CCDC85A: variants seen among roughly 807,000 people sequenced by gnomAD.
The protein encoded by CCDC85A is coiled-coil domain-containing protein 85A.
CCDC85A carries 38 observed loss-of-function variants against 50.2 expected under a neutral mutation model. The observed-to-expected ratio is 0.76, with a 90% CI of 0.58 to 0.99. CCDC85A has a LOEUF of 0.99. CCDC85A is among the 50% of genes least tolerant of loss of function. The pLI is 0.00. For synonymous variants in CCDC85A, 366 were observed against 301.4 expected (o/e 1.21, Z -2.22); for missense variants, 820 against 742.0 (o/e 1.11, Z -1.22).
At chr2:56,275,616 C>G (rs1249688236) in intron 2 of CCDC85A, among the ~76,000 whole-genome samples, 1 of 152,206 alleles carries the variant, frequency 6.6e-6, no homozygotes, top group Non-Finnish European at 1.5e-5. Context: ...GAGCTTTCTA[C>G]TATTGACCAA....
intron 3 of CCDC85A, among the ~76,000 whole-genome samples, chr2:56,368,509 C>T (rs1675915988): frequency 6.6e-6 from 1 of 152,096 alleles, no homozygotes; most frequent in Admixed American, 6.6e-5. Context: ...TGAATTTATC[C>T]TCCCCCTTAA....
Position 56,274,928 on chromosome 2 carries a change from G to A in CCDC85A, c.1241-67951G>A, listed in dbSNP as rs993484553. Among the ~76,000 whole-genome samples, 9 of 152,094 alleles carry A rather than the reference G, an allele frequency of 5.9e-5. No individual in the cohort carries two copies. The East Asian group carries it at 1.7e-3, about 29-fold the overall frequency. ...TGCTATGTCCTCACATGGCCTTCTG[G>A]CCTTCTTGGTGTGTGTGGGTTAAGA... On this transcript the variant is annotated intron_variant, in intron 2 of 5. Transcript: ENST00000407595.
At chr2:56,376,698 A>G (rs1422030931) in intron 5 of CCDC85A, among the ~76,000 whole-genome samples, 1 of 152,238 alleles carries the variant, frequency 6.6e-6, no homozygotes. Flanking sequence ...GATAAAAATC[A>G]TCTTACAAAT....
intron 2 of CCDC85A, among the ~76,000 whole-genome samples, chr2:56,271,259 A>T (rs1670682963): frequency 6.6e-6 from 1 of 152,200 alleles, no homozygotes; most frequent in Non-Finnish European, 1.5e-5. Flanking sequence ...TTGAGTAATG[A>T]ATTGCCAGCG....
At position 56,193,421 on chromosome 2, in the gene CCDC85A, T is replaced by G; in HGVS notation, c.1221T>G (p.Asn407Lys). ...AQEDGSPHHR[N>K]VYSGMNESTL... ...AGGACGGGTCACCCCATCACCGGAATGTCTACAGTGGCATGAACGGTGGGT... is the reference window on the plus strand; with the variant it reads ...AGGACGGGTCACCCCATCACCGGAAGGTCTACAGTGGCATGAACGGTGGGT... Residue 407 changes from asparagine (N) to lysine (K), a missense_variant, in exon 2 of 6, where the codon AAT (asparagine) becomes AAG (lysine). Transcript: ENST00000407595. 6.2e-7 allele frequency: 1 copy of G among 1,608,296 alleles called. No individual in the cohort carries two copies. The highest frequency in any genetic ancestry group is 8.5e-7 in the Non-Finnish European group (1 of 1,177,452).
chr2:56,239,423 C>T (rs919632684), intron 2 of CCDC85A, among the ~76,000 whole-genome samples: 1 of 151,988 alleles, frequency 6.6e-6, no homozygotes, highest in African/African-American at 2.4e-5. Context: ...GTTAATCTGG[C>T]CTGTTCCTAT....
intron 4 of CCDC85A, among the ~76,000 whole-genome samples, chr2:56,375,514 C>A (rs972102596): frequency 6.6e-6 from 1 of 152,140 alleles, no homozygotes; most frequent in African/African-American, 2.4e-5. Flanking sequence ...GAATTTCCTA[C>A]TCTTAAGTAT....
intron 2 of CCDC85A, among the ~76,000 whole-genome samples, chr2:56,300,708 A>G (rs1177798748): frequency 6.6e-6 from 1 of 152,192 alleles, no homozygotes; most frequent in African/African-American, 2.4e-5. Context: ...TAAGGAAGCT[A>G]TCCAAAGTGT....
chr2:56,214,203 G>A (rs1048048497), intron 2 of CCDC85A, among the ~76,000 whole-genome samples: 3 of 151,954 alleles, frequency 2.0e-5, no homozygotes, highest in African/African-American at 7.2e-5. Context: ...TATGACATTG[G>A]ACAAGTTATA....
intron 2 of CCDC85A, among the ~76,000 whole-genome samples, chr2:56,311,801 A>G (rs1232915024): frequency 6.6e-6 from 1 of 152,142 alleles, no homozygotes; most frequent in Non-Finnish European, 1.5e-5. Context: ...AGGTCTCACC[A>G]TCGGTGCAGG....
At chr2:56,193,881 G>T (rs945772791) in intron 2 of CCDC85A, among the ~76,000 whole-genome samples, 1 of 152,142 alleles carries the variant, frequency 6.6e-6, no homozygotes, top group South Asian at 2.1e-4. Flanking sequence ...TATACAAGAA[G>T]ATATGAATAT....
chr2:56,346,595 C>T (rs1674643589), intron 3 of CCDC85A, among the ~76,000 whole-genome samples: 1 of 152,152 alleles, frequency 6.6e-6, no homozygotes, highest in Admixed American at 6.6e-5. Flanking sequence ...GTATTTTAAA[C>T]CCAGTTTGTG....
intron 2 of CCDC85A, among the ~76,000 whole-genome samples, chr2:56,276,811 G>A (rs1207652359): frequency 6.6e-6 from 1 of 152,118 alleles, no homozygotes; most frequent in Non-Finnish European, 1.5e-5. Flanking sequence ...TTGTGTCATG[G>A]GGTTTATTGT....
intron 2 of CCDC85A, among the ~76,000 whole-genome samples, chr2:56,247,413 T>G (rs781556968): frequency 3.9e-5 from 6 of 152,164 alleles, no homozygotes; most frequent in Non-Finnish European, 7.3e-5. Flanking sequence ...CTTCTGCAAT[T>G]TTTCCCCTGT....
At chr2:56,217,339 C>G (rs1418729621) in intron 2 of CCDC85A, among the ~76,000 whole-genome samples, 1 of 151,852 alleles carries the variant, frequency 6.6e-6, no homozygotes, top group Non-Finnish European at 1.5e-5. Context: ...CAGCTATTTC[C>G]TCTGATGTTG....
intron 2 of CCDC85A, among the ~76,000 whole-genome samples, chr2:56,309,783 TGAATGCTTCTGA>T (rs1672608132): frequency 6.6e-6 from 1 of 152,160 alleles, no homozygotes; most frequent in South Asian, 2.1e-4. Flanking sequence ...GCTGAACATT[TGAATGCTTCTGA>T]GAATGCTCTG....
chr2:56,213,894 G>A (rs976130844), intron 2 of CCDC85A, among the ~76,000 whole-genome samples: 3 of 151,890 alleles, frequency 2.0e-5, no homozygotes, highest in Non-Finnish European at 2.9e-5. Context: ...GTTTTGATAG[G>A]ATAACCCTGT....
chr2:56,354,217 C>T (rs1057339934), intron 3 of CCDC85A, among the ~76,000 whole-genome samples: 8 of 152,130 alleles, frequency 5.3e-5, no homozygotes, highest in Non-Finnish European at 1.2e-4. Flanking sequence ...TTATACCCAA[C>T]AATAGGTATT....
intron 2 of CCDC85A, among the ~76,000 whole-genome samples, chr2:56,331,940 C>G (rs575544852): frequency 5.9e-5 from 9 of 152,200 alleles, no homozygotes; most frequent in Non-Finnish European, 1.3e-4. Flanking sequence ...CCCCCTGCCC[C>G]CTCCCCGCCC....
Sources: gnomAD v4.1 joint callset for allele counts (sites outside exome capture counted in the v4.1 genomes callset) on GRCh38, gnomAD v4.1.1 for gene constraint, MANE v1.5 for transcripts, NCBI Gene and HGNC (gene_info 2026-07-23, HGNC 2026-07-21) for gene names.